TENT4A: variants seen among roughly 807,000 people sequenced by gnomAD.
The protein encoded by TENT4A is terminal nucleotidyltransferase 4A, also known as DNA polymerase kappa.
Under a neutral mutation model 72.8 loss-of-function variants are expected in TENT4A, and 7 were observed. That is an observed-to-expected ratio of 0.10 (90% CI 0.05 to 0.18). The LOEUF is 0.18. Among genes scored for constraint, TENT4A ranks in the 10% least tolerant of loss-of-function variants. TENT4A has a pLI of 1.00. For missense variants in TENT4A, 831 were observed against 1,017.7 expected (o/e 0.82, Z 2.50); for synonymous variants, 456 against 434.3 (o/e 1.05, Z -0.62).
At chr5:6,744,509 C>T (rs138376996) in intron 6 of TENT4A, among the ~76,000 whole-genome samples, 1 of 152,338 alleles carries the variant, frequency 6.6e-6, no homozygotes, top group African/African-American at 2.4e-5. Flanking sequence ...AGCCGCACGG[C>T]TGTATTTCTC....
chr5:6,721,582 T>A (rs1397684179), intron 1 of TENT4A, among the ~76,000 whole-genome samples: 1 of 152,232 alleles, frequency 6.6e-6, no homozygotes, highest in Non-Finnish European at 1.5e-5. Context: ...CCTATGAGCC[T>A]GTCCCTGGTG....
chr5:6,745,814 A>G (rs972598572), intron 6 of TENT4A: 20 of 304,182 alleles, frequency 6.6e-5, no homozygotes, highest in Non-Finnish European at 3.1e-5. Flanking sequence ...TCAGTCTAAC[A>G]CTGACCCCTG....
intron 7 of TENT4A, among the ~76,000 whole-genome samples, chr5:6,747,340 G>A (rs182135): frequency 0.39 from 58,947 of 151,928 alleles, 11,503 homozygotes; most frequent in South Asian, 0.46. Flanking sequence ...TGTGTGTGTC[G>A]GGGAAGCCTT....
intron 4 of TENT4A, among the ~76,000 whole-genome samples, chr5:6,740,125 A>C (rs1579480675): frequency 6.6e-6 from 1 of 152,176 alleles, no homozygotes; most frequent in African/African-American, 2.4e-5. Flanking sequence ...GATTGTGTCT[A>C]CTTGTGTTAG....
chr5:6,725,735 G>A (rs562610885), intron 1 of TENT4A, among the ~76,000 whole-genome samples: 1 of 152,298 alleles, frequency 6.6e-6, no homozygotes, highest in African/African-American at 2.4e-5. Flanking sequence ...CCACCCAGAA[G>A]CACAAGCAGG....
At chr5:6,754,191 C>G (rs768901806) in intron 12 of TENT4A, among the ~76,000 whole-genome samples, 4 of 152,140 alleles carry the variant, frequency 2.6e-5, no homozygotes, top group Non-Finnish European at 5.9e-5. Context: ...TTTTTGGAGA[C>G]AGAATCTCAC....
chr5:6,746,104 C>T (rs1742081418), intron 6 of TENT4A, 110 bp from the exon 7 acceptor site: 1 of 1,566,710 alleles, frequency 6.4e-7, no homozygotes, highest in Non-Finnish European at 8.6e-7. Flanking sequence ...GCGAGTGCCA[C>T]TCACTGGTAT....
At chr5:6,723,394 T>C (rs1740756089) in intron 1 of TENT4A, among the ~76,000 whole-genome samples, 2 of 86,964 alleles carry the variant, frequency 2.3e-5, no homozygotes, top group African/African-American at 7.4e-5. Context: ...AGCACCATTG[T>C]GGCTCGTGTG....
In TENT4A at chr5:6,746,797, A is replaced by G. The variant is rs28381394; in HGVS notation, c.1459+370A>G. Among the ~76,000 whole-genome samples, 22 of 152,292 alleles carry G rather than the reference A, an allele frequency of 1.4e-4. No homozygotes were observed. The East Asian group carries it at 3.3e-3, about 23-fold the overall frequency. ...ACATGTATTTCTCCACTTTTTCCCT[A>G]TATGGATATTAATGTTTATTATTGT... On this transcript the variant is annotated intron_variant, in intron 7 of 12. Coordinates refer to ENST00000230859, the MANE Select transcript of TENT4A (RefSeq NM_006999.6).
At chr5:6,734,938 C>G (rs1303410356) in intron 1 of TENT4A, among the ~76,000 whole-genome samples, 2 of 152,252 alleles carry the variant, frequency 1.3e-5, no homozygotes, top group African/African-American at 4.8e-5. Context: ...TATCTCCGTG[C>G]TCTTCCTTTC....
intron 10 of TENT4A, 157 bp downstream of exon 10, chr5:6,750,660 C>T (rs1053679334): frequency 1.3e-5 from 8 of 636,842 alleles, no homozygotes; most frequent in Non-Finnish European, 2.1e-5. Context: ...GTGATGTGGG[C>T]ACCAGGCTTC....
Position 6,754,914 on chromosome 5 carries a change from G to A in TENT4A, c.2348G>A (p.Arg783Gln), listed in dbSNP as rs1372537856. Residue 783 changes from arginine (R) to glutamine (Q), a missense_variant, in exon 13 of 13, where the codon CGG becomes CAG. Arg to Gln is a conservative substitution (Grantham distance 43). Around this residue, in one of 3 missense-constraint regions of TENT4A, gnomAD observed 332 missense variants for 324.3 expected, o/e 1.02. Coordinates refer to ENST00000230859, the MANE Select transcript of TENT4A (RefSeq NM_006999.6). ...GWRRKKHTHTRDSLPVSLSR is the reference protein window; with the variant it reads ...GWRRKKHTHTQDSLPVSLSR ...AGGAGGAAAAAACACACACACACAC[G>A]GGACAGTCTGCCCGTGAGCCTCAGC... The A allele has an allele frequency of 1.9e-6, 3 of 1,591,000 alleles. No individual in the cohort carries two copies. The highest frequency in any genetic ancestry group is 4.5e-5 in the East Asian group (2 of 44,068).
At chr5:6,737,168 CTG>C (rs2126631981) in intron 1 of TENT4A, among the ~76,000 whole-genome samples, 1 of 152,380 alleles carries the variant, frequency 6.6e-6, no homozygotes, top group South Asian at 2.1e-4. Context: ...GTGTGCCTAA[CTG>C]TGCCACATTC....
In TENT4A at chr5:6,714,029, G is replaced by T; in HGVS notation, c.46G>T (p.Ala16Ser). The T allele has an allele frequency of 1.0e-6, 1 of 987,084 alleles. No individual in the cohort carries two copies. Among genetic ancestry groups the T allele is most frequent in the Non-Finnish European group, 1.2e-6 (1 of 832,120 alleles). 61.1% of individuals were successfully genotyped at this position (987,084 alleles called of 1,614,324 possible). The change falls in exon 1 of 13, where the codon GCC (alanine) becomes TCC (serine). Residue 16 changes from alanine to serine, a missense_variant. Physicochemically the swap from Ala to Ser is moderately conservative, Grantham distance 99. This residue lies in a region of TENT4A where 302 missense variants were observed against 293.8 expected (regional missense o/e 1.03). Transcript: ENST00000230859. Reference sequence around the variant, plus strand: ...GATCCAGCCCGAGCAGAAGGGGCCGGCCAATGCCCTGTGGATGCAGATCTG... The same window carrying T: ...GATCCAGCCCGAGCAGAAGGGGCCGTCCAATGCCCTGTGGATGCAGATCTG... ...AWIQPEQKGP[A>S]NALWMQIWET...
intron 1 of TENT4A, among the ~76,000 whole-genome samples, chr5:6,727,299 G>A (rs904425446): frequency 6.6e-6 from 1 of 152,092 alleles, no homozygotes; most frequent in Non-Finnish European, 1.5e-5. Context: ...TTGCCCCTGG[G>A]ACCTTCTCCC....
At chr5:6,733,107 A>C (rs538736602) in intron 1 of TENT4A, among the ~76,000 whole-genome samples, 1 of 152,238 alleles carries the variant, frequency 6.6e-6, no homozygotes, top group Non-Finnish European at 1.5e-5. Context: ...GATGTGTATC[A>C]TATAGGAGTT....
In TENT4A at chr5:6,755,035, C is replaced by A; in HGVS notation, c.*90C>A. On this transcript the variant is annotated 3_prime_UTR_variant, in exon 13 of 13. Transcript: ENST00000230859. Reference sequence around the variant, plus strand: ...CAGGGGAACCGAGACCAGCACCCCGCACGTCAGCCGGGCTCGCGGCACGCC... The same window carrying A: ...CAGGGGAACCGAGACCAGCACCCCGAACGTCAGCCGGGCTCGCGGCACGCC... 2 of 1,206,466 alleles carry A rather than the reference C, an allele frequency of 1.7e-6. No homozygotes were observed. Among genetic ancestry groups the A allele is most frequent in the Non-Finnish European group, 2.2e-6 (2 of 894,824 alleles). The allele number at this position is 1,206,466 out of a possible 1,614,324, so 74.7% of individuals were successfully genotyped here. A position where few individuals can be genotyped will look rare whatever the true frequency, so the allele number is the denominator to read the frequency against.
At chr5:6,726,487 A>G (rs983781913) in intron 1 of TENT4A, among the ~76,000 whole-genome samples, 1 of 151,808 alleles carries the variant, frequency 6.6e-6, no homozygotes, top group Non-Finnish European at 1.5e-5. Flanking sequence ...AGGGCATCCT[A>G]CAGTGTCCTC....
Position 6,739,623 on chromosome 5 carries a change from G to T in TENT4A, c.888-109G>T, listed in dbSNP as rs981591560. The T allele has an allele frequency of 2.7e-4, 363 of 1,333,848 alleles. 1 individual carries two copies. Among genetic ancestry groups the T allele is most frequent in the Non-Finnish European group, 3.2e-4 (304 of 955,964 alleles). 82.6% of individuals were successfully genotyped at this position (1,333,848 alleles called of 1,614,324 possible). A position where few individuals can be genotyped will look rare whatever the true frequency, so the allele number is the denominator to read the frequency against. On this transcript the variant is annotated intron_variant, in intron 3 of 12. Coordinates refer to ENST00000230859, the MANE Select transcript of TENT4A (RefSeq NM_006999.6). The stretch of plus-strand genomic sequence containing the variant: ...CCATAGGCTAGTGGGATTGTGTCTT[G>T]GCCTTTGTGGGAGACACAGGCACAT...
Sources: allele counts gnomAD v4.1 joint callset (sites outside exome capture counted in the v4.1 genomes callset), GRCh38; gene constraint gnomAD v4.1.1; regional missense constraint gnomAD v4.1.1; transcripts MANE v1.5; gene names NCBI Gene and HGNC (gene_info 2026-07-23, HGNC 2026-07-21).